Variants in ATF7IP2 observed in about 807,000 individuals in gnomAD.
The protein encoded by ATF7IP2 is activating transcription factor 7 interacting protein 2.
ATF7IP2 carries 42 observed loss-of-function variants against 64.2 expected under a neutral mutation model. That is an observed-to-expected ratio of 0.65 (90% CI 0.51 to 0.85). The LOEUF is 0.85. Among genes scored for constraint, ATF7IP2 ranks in the 40% least tolerant of loss-of-function variants. The pLI is 0.00. For synonymous variants in ATF7IP2, 308 were observed against 272.8 expected (o/e 1.13, Z -1.27); for missense variants, 933 against 784.2 (o/e 1.19, Z -2.27).
intron 1 of ATF7IP2, among the ~76,000 whole-genome samples, chr16:10,394,382 A>G (rs2047384202): frequency 6.6e-6 from 1 of 152,242 alleles, no homozygotes; most frequent in Non-Finnish European, 1.5e-5. Flanking sequence ...AGCAAAATGT[A>G]TGAAGCAACT....
intron 1 of ATF7IP2, among the ~76,000 whole-genome samples, chr16:10,413,104 C>T (rs759251939): frequency 8.5e-5 from 13 of 152,216 alleles, no homozygotes; most frequent in South Asian, 8.3e-4. Flanking sequence ...TTTGTGAATT[C>T]GTATCCATTC....
At chr16:10,449,080 T>C (rs1190632780) in intron 8 of ATF7IP2, 1 of 152,194 alleles carries the variant, frequency 6.6e-6, no homozygotes, top group Non-Finnish European at 1.5e-5. Context: ...ATGTGGTTTT[T>C]CTCATTGGTT....
At chr16:10,457,834 C>T (rs1404220753) in intron 9 of ATF7IP2, among the ~76,000 whole-genome samples, 2 of 152,090 alleles carry the variant, frequency 1.3e-5, no homozygotes, top group African/African-American at 4.8e-5. Flanking sequence ...CTCAGCCTCC[C>T]AAGTAACTGG....
intron 3 of ATF7IP2, among the ~76,000 whole-genome samples, chr16:10,423,027 G>A (rs550429927): frequency 6.6e-5 from 10 of 152,188 alleles, no homozygotes; most frequent in South Asian, 2.1e-4. Flanking sequence ...GGCAGATCAC[G>A]AGGTCAGGAG....
intron 8 of ATF7IP2, chr16:10,446,575 C>G (rs2048811742): frequency 6.6e-6 from 1 of 152,198 alleles, no homozygotes; most frequent in Admixed American, 6.5e-5. Context: ...CACATCCAAT[C>G]CTCATATGAC....
intron 8 of ATF7IP2, among the ~76,000 whole-genome samples, chr16:10,455,708 T>A (rs2049141057): frequency 6.6e-6 from 1 of 152,142 alleles, no homozygotes. Context: ...AGACTGCCCG[T>A]GGAGGTTAAA....
Position 10,440,445 on chromosome 16 carries a change from A to G in ATF7IP2, c.1177A>G (p.Ser393Gly). ...TTGTTTGAAACCAAACATGTTATCC[A>G]GTAATGGAGCCTCTAAGGTTTGTAT... Reference protein sequence around the residue: ...RNCLKPNMLSSNGASKVANSE... With the variant: ...RNCLKPNMLSGNGASKVANSE... Residue 393 changes from serine (S) to glycine (G), a missense_variant, in exon 8 of 14, where the codon AGT becomes GGT. By Grantham distance (56) the Ser-to-Gly change is moderately conservative (BLOSUM62 0). Transcript: ENST00000562102. 6.5e-7 allele frequency: 1 copy of G among 1,542,576 alleles called. No homozygotes were observed. The highest frequency in any genetic ancestry group is 8.8e-7 in the Non-Finnish European group (1 of 1,138,814).
At chr16:10,396,083 T>C (rs1269651427) in intron 1 of ATF7IP2, among the ~76,000 whole-genome samples, 1 of 152,194 alleles carries the variant, frequency 6.6e-6, no homozygotes, top group Non-Finnish European at 1.5e-5. Flanking sequence ...AAGATCAGTG[T>C]ACATAAATCT....
chr16:10,459,455 G>A (rs1454109486), intron 9 of ATF7IP2, among the ~76,000 whole-genome samples: 44 of 147,296 alleles, frequency 3.0e-4, no homozygotes, highest in East Asian at 4.0e-4. Flanking sequence ...GCGACAGAGC[G>A]AGACTCCATC....
intron 8 of ATF7IP2, among the ~76,000 whole-genome samples, chr16:10,456,299 C>CT (rs1350895062): frequency 6.6e-6 from 1 of 152,184 alleles, no homozygotes; most frequent in Non-Finnish European, 1.5e-5. Context: ...GCAGAAGACT[C>CT]TAAGAGGCTC....
intron 12 of ATF7IP2, among the ~76,000 whole-genome samples, chr16:10,480,608 G>C (rs1363543380): frequency 6.6e-6 from 1 of 150,514 alleles, no homozygotes; most frequent in Non-Finnish European, 1.5e-5. Flanking sequence ...TCATTTATCA[G>C]AGATCTCTGT....
chr16:10,415,098 G>T (rs1246272146), intron 2 of ATF7IP2, among the ~76,000 whole-genome samples: 9 of 152,268 alleles, frequency 5.9e-5, no homozygotes, highest in Middle Eastern at 3.4e-3. Context: ...AAGCATCGAT[G>T]ACATTCTTCA....
chr16:10,388,691 A>G (rs2047257409), intron 1 of ATF7IP2, among the ~76,000 whole-genome samples: 1 of 152,210 alleles, frequency 6.6e-6, no homozygotes, highest in African/African-American at 2.4e-5. Context: ...AACTACTGTA[A>G]GAAAGGCATG....
chr16:10,396,677 G>T (rs957282876), intron 1 of ATF7IP2, among the ~76,000 whole-genome samples: 2 of 151,762 alleles, frequency 1.3e-5, no homozygotes, highest in Admixed American at 6.6e-5. Context: ...TTTTAATTGA[G>T]ACAGTGTCTC....
chr16:10,433,030 A>G (rs927928843), intron 5 of ATF7IP2, among the ~76,000 whole-genome samples: 2 of 152,232 alleles, frequency 1.3e-5, no homozygotes, highest in African/African-American at 2.4e-5. Flanking sequence ...ATCTGAGACC[A>G]GAACCCTACC....
At position 10,430,781 on chromosome 16, in the gene ATF7IP2, G is replaced by T. The variant is rs1266204941; in HGVS notation, c.161G>T (p.Ser54Ile). The change falls in exon 5 of 14, where the codon AGT (serine) becomes ATT (isoleucine). Residue 54 changes from serine to isoleucine, a missense_variant. Ser to Ile is a moderately radical substitution (Grantham distance 142, BLOSUM62 -2). Transcript: ENST00000562102. Reference protein sequence around the residue: ...SNVPSGNQSFSPSVITRTTEI... With the variant: ...SNVPSGNQSFIPSVITRTTEI... ...GTTCCAAGCGGTAATCAGAGTTTCA[G>T]TCCTAGTGTCATAACTAGGACGACT... 1 of 1,581,438 alleles carries T rather than the reference G, an allele frequency of 6.3e-7. No individual in the cohort carries two copies. Among genetic ancestry groups the T allele is most frequent in the Admixed American group, 1.8e-5 (1 of 56,342 alleles).
At chr16:10,421,129 C>A (rs1567441568) in intron 3 of ATF7IP2, among the ~76,000 whole-genome samples, 2 of 152,240 alleles carry the variant, frequency 1.3e-5, no homozygotes, top group South Asian at 4.1e-4. Flanking sequence ...AGGATCATAT[C>A]CATGTAATTT....
intron 9 of ATF7IP2, among the ~76,000 whole-genome samples, chr16:10,466,044 G>A (rs1006329255): frequency 6.6e-5 from 10 of 152,124 alleles, no homozygotes; most frequent in African/African-American, 1.9e-4. Flanking sequence ...TGTTCTCCTA[G>A]TCATCAGTCT....
In ATF7IP2 at chr16:10,409,320, T is replaced by A. The variant is rs181954810; in HGVS notation, c.-241-5254T>A. Among the ~76,000 whole-genome samples, 62 of 152,200 alleles carry A rather than the reference T, an allele frequency of 4.1e-4. 1 individual carries two copies. Among genetic ancestry groups the A allele is most frequent in the South Asian group, 4.0e-3 (19 of 4,806 alleles). On this transcript the variant is annotated intron_variant, in intron 1 of 13. Coordinates refer to ENST00000562102, the MANE Select transcript of ATF7IP2 (RefSeq NM_001393719.1). Reference sequence around the variant, plus strand: ...TGATAGGAAGGTTGTTTACACTAATTAGGGGCAAGGAGGCATGGAGAACAA... The same window carrying A: ...TGATAGGAAGGTTGTTTACACTAATAAGGGGCAAGGAGGCATGGAGAACAA...
Sources: gnomAD v4.1 joint callset for allele counts (sites outside exome capture counted in the v4.1 genomes callset) on GRCh38, gnomAD v4.1.1 for gene constraint, MANE v1.5 for transcripts, NCBI Gene and HGNC (gene_info 2026-07-23, HGNC 2026-07-21) for gene names.